Variants in IARS2 observed in about 807,000 individuals in gnomAD.
IARS2 encodes the protein isoleucine--tRNA ligase, mitochondrial.
In IARS2, 56 loss-of-function variants were observed where a neutral mutation model predicts 126.3. The ratio of observed to expected loss-of-function variants is 0.44; its 90% CI spans 0.36 to 0.55. The LOEUF (loss-of-function observed/expected upper bound fraction) is 0.55, where lower values mean the gene tolerates loss of function less well. Ranked by LOEUF, IARS2 falls within the 20% of genes least tolerant of loss-of-function variation. The pLI is 0.00. For synonymous variants in IARS2, 407 were observed against 441.1 expected (o/e 0.92, Z 0.97); for missense variants, 1,127 against 1,245.9 (o/e 0.90, Z 1.44).
At position 220,142,861 on chromosome 1, in the gene IARS2, T is replaced by G. The variant is rs907103833; in HGVS notation, c.2561-83T>G. The G allele has an allele frequency of 6.9e-6, 6 of 873,876 alleles. No homozygotes were observed. In the Admixed American group the frequency reaches 1.1e-4, roughly 16 times the overall value. The allele number at this position is 873,876 out of a possible 1,614,324, so 54.1% of individuals were successfully genotyped here. On this transcript the variant is annotated intron_variant, in intron 20 of 22. Transcript: ENST00000366922. ...ATAAATAACAATTCTTATTTCCCAT[T>G]AATGGTAACTATTTAATGGTTAGAG...
intron 4 of IARS2, 22 bp downstream of exon 4, chr1:220,102,299 T>C: frequency 1.9e-6 from 3 of 1,603,714 alleles, no homozygotes; most frequent in African/African-American, 1.3e-5. Context: ...TTTTTTCTCT[T>C]TGAGTAGGTT....
intron 17 of IARS2, 56 bp downstream of exon 17, chr1:220,138,099 T>G: frequency 6.4e-7 from 1 of 1,563,952 alleles, no homozygotes; most frequent in Non-Finnish European, 8.8e-7. Flanking sequence ...ATCATTGTTT[T>G]AAAAAATGAG....
chr1:220,111,826 AC>A (rs1010496681), intron 11 of IARS2, among the ~76,000 whole-genome samples: 2 of 152,092 alleles, frequency 1.3e-5, no homozygotes, highest in African/African-American at 4.8e-5. Context: ...TGTAATGTGG[AC>A]AACTATAATA....
At chr1:220,131,793 A>ATTTTT (rs34917733) in intron 14 of IARS2, among the ~76,000 whole-genome samples, 1 of 120,598 alleles carries the variant, frequency 8.3e-6, no homozygotes, top group Non-Finnish European at 1.7e-5. Flanking sequence ...GCCACGTTGA[A>ATTTTT]TTTTTTTTTT....
At chr1:220,126,010 G>T (rs962099041) in intron 13 of IARS2, among the ~76,000 whole-genome samples, 5 of 151,790 alleles carry the variant, frequency 3.3e-5, no homozygotes, top group Non-Finnish European at 7.4e-5. Context: ...GGGAGACTGA[G>T]GCAGGAGAAT....
chr1:220,113,622 G>A (rs535613051), intron 11 of IARS2, among the ~76,000 whole-genome samples: 5 of 143,466 alleles, frequency 3.5e-5, no homozygotes, highest in East Asian at 1.9e-4. Context: ...GCCATTTGTC[G>A]ATAGATATAT....
chr1:220,106,493 A>C (rs1656684148), intron 9 of IARS2, among the ~76,000 whole-genome samples: 1 of 152,206 alleles, frequency 6.6e-6, no homozygotes, highest in African/African-American at 2.4e-5. Context: ...GAAACAATAG[A>C]GACCACTCAA....
chr1:220,121,997 G>A (rs150443832), intron 12 of IARS2, among the ~76,000 whole-genome samples: 403 of 152,178 alleles, frequency 2.6e-3, no homozygotes, highest in African/African-American at 9.1e-3. Context: ...AGGCTGAGGC[G>A]GGAGGATTAC....
At chr1:220,146,654 A>G (rs977437090) in intron 22 of IARS2, among the ~76,000 whole-genome samples, 3 of 152,014 alleles carry the variant, frequency 2.0e-5, no homozygotes, top group African/African-American at 7.2e-5. Context: ...GTGTAGTAAA[A>G]GTTCTGGCTT....
chr1:220,115,959 G>A (rs1293443946), intron 12 of IARS2, among the ~76,000 whole-genome samples: 1 of 152,158 alleles, frequency 6.6e-6, no homozygotes, highest in Non-Finnish European at 1.5e-5. Context: ...AGTGGCTCAT[G>A]CCTGTAATCC....
intron 12 of IARS2, among the ~76,000 whole-genome samples, chr1:220,124,300 A>G (rs1224518083): frequency 1.1e-4 from 16 of 152,228 alleles, no homozygotes; most frequent in Admixed American, 1.0e-3. Context: ...TATCTTCCTA[A>G]AGATACGACC....
chr1:220,128,809 A>G (rs1657203320), intron 14 of IARS2, among the ~76,000 whole-genome samples: 1 of 152,136 alleles, frequency 6.6e-6, no homozygotes, highest in African/African-American at 2.4e-5. Flanking sequence ...AGTTAAGTGC[A>G]CGTTATATTT....
At chr1:220,123,821 A>C (rs1457491370) in intron 12 of IARS2, among the ~76,000 whole-genome samples, 1 of 152,218 alleles carries the variant, frequency 6.6e-6, no homozygotes, top group Non-Finnish European at 1.5e-5. Flanking sequence ...TGCTTTCCAC[A>C]ACAATTTTTG....
intron 16 of IARS2, among the ~76,000 whole-genome samples, chr1:220,137,432 GT>G (rs1415093851): frequency 6.6e-6 from 1 of 152,130 alleles, no homozygotes; most frequent in African/African-American, 2.4e-5. Flanking sequence ...ATTTGGGGGG[GT>G]TTTTGGAGCT....
chr1:220,130,474 C>G (rs967358888), intron 14 of IARS2, among the ~76,000 whole-genome samples: 5 of 152,126 alleles, frequency 3.3e-5, no homozygotes, highest in African/African-American at 9.7e-5. Context: ...GTGTTTTCCT[C>G]TAGTAGTTTC....
At chr1:220,098,337 C>T (rs1656492020) in intron 2 of IARS2, among the ~76,000 whole-genome samples, 1 of 152,214 alleles carries the variant, frequency 6.6e-6, no homozygotes, top group Admixed American at 6.5e-5. Flanking sequence ...GCTTTCTCCT[C>T]TTCCTAGAAT....
Position 220,117,533 on chromosome 1 carries a change from C to T in IARS2, c.1640+3059C>T, listed in dbSNP as rs531824919. On this transcript the variant is annotated intron_variant, in intron 12 of 22. Transcript: ENST00000366922. ...TTTCACTATTTAGAGAGCAAGATGT[C>T]TAGGGAATTTCACTGAAGTGATTGA... Among the ~76,000 whole-genome samples the T allele has an allele frequency of 4.6e-5, 7 of 152,020 alleles. No individual in the cohort carries two copies. The South Asian group carries it at 1.5e-3, about 32-fold the overall frequency.
intron 11 of IARS2, 69 bp downstream of exon 11, chr1:220,111,006 G>C (rs780517378): frequency 4.7e-5 from 66 of 1,417,408 alleles, no homozygotes; most frequent in Non-Finnish European, 6.0e-5. Context: ...CTGCATGTGA[G>C]GTTGAGGTGG....
chr1:220,096,255 A>G, intron 2 of IARS2, 29 bp downstream of exon 2: 3 of 1,427,118 alleles, frequency 2.1e-6, no homozygotes, highest in Non-Finnish European at 2.9e-6. Flanking sequence ...ATGACACTTG[A>G]AAGAAAGTGT....
Sources: allele counts gnomAD v4.1 joint callset (sites outside exome capture counted in the v4.1 genomes callset), GRCh38; gene constraint gnomAD v4.1.1; transcripts MANE v1.5; gene names NCBI Gene and HGNC (gene_info 2026-07-23, HGNC 2026-07-21).